The following PDPK1 variants were observed in gnomAD, a reference collection of about 807,000 sequenced individuals.
PDPK1 encodes 3-phosphoinositide-dependent protein kinase 1.
PDPK1 carries 7 observed loss-of-function variants against 39.8 expected under a neutral mutation model. That is an observed-to-expected ratio of 0.18 (90% confidence interval 0.10 to 0.33). The LOEUF is 0.33. Ranked by LOEUF, PDPK1 falls within the 10% of genes least tolerant of loss-of-function variation. The pLI, the probability that PDPK1 is intolerant of heterozygous loss-of-function variation, is 1.00. For synonymous variants in PDPK1, 118 were observed against 159.1 expected (o/e 0.74, Z 1.95); for missense variants, 182 against 384.7 (o/e 0.47, Z 4.41).
At chr16:2,589,247 C>G (rs541863575) in intron 11 of PDPK1, among the ~76,000 whole-genome samples, 1 of 152,134 alleles carries the variant, frequency 6.6e-6, no homozygotes, top group South Asian at 2.1e-4. Flanking sequence ...TGAGCCACCG[C>G]GCCAGCCAAT....
rs1003914338 is a variant in PDPK1 at position 2,598,018 on chromosome 16, G to A, written c.*251G>A. 21 of 525,632 alleles carry A rather than the reference G, an allele frequency of 4.0e-5. No homozygotes were observed. The highest frequency in any genetic ancestry group is 7.6e-5 in the African/African-American group (4 of 52,776). 32.6% of individuals were successfully genotyped at this position (525,632 alleles called of 1,614,324 possible). A position where few individuals can be genotyped will look rare whatever the true frequency, so the allele number is the denominator to read the frequency against. ...CTCTCTGTGCTCCGTGGAGGCCTCC[G>A]TGTGCCCTCGTTGCCGTGGGGACCC... On this transcript the variant is annotated 3_prime_UTR_variant, in exon 14 of 14. Coordinates refer to ENST00000342085, the MANE Select transcript of PDPK1 (RefSeq NM_002613.5).
At chr16:2,552,165 T>C (rs1252706099) in intron 1 of PDPK1, among the ~76,000 whole-genome samples, 1 of 148,812 alleles carries the variant, frequency 6.7e-6, no homozygotes, top group Non-Finnish European at 1.5e-5. Context: ...AGAGATGGGG[T>C]TTCACTATAT....
chr16:2,544,219 G>A (rs963415166), intron 1 of PDPK1, among the ~76,000 whole-genome samples: 1 of 152,154 alleles, frequency 6.6e-6, no homozygotes, highest in African/African-American at 2.4e-5. Context: ...GTTACAAAGT[G>A]TTTCTACCTG....
intron 1 of PDPK1, chr16:2,539,051 A>G (rs2066193284): frequency 4.9e-6 from 1 of 206,002 alleles, no homozygotes; most frequent in South Asian, 5.6e-5. Context: ...AAGAAATTTA[A>G]TTGATCCCGT....
intron 1 of PDPK1, among the ~76,000 whole-genome samples, chr16:2,544,993 T>C (rs2066313213): frequency 6.6e-6 from 1 of 151,706 alleles, no homozygotes; most frequent in African/African-American, 2.4e-5. Flanking sequence ...AGCTGTCACC[T>C]GTACAACCTC....
intron 1 of PDPK1, among the ~76,000 whole-genome samples, chr16:2,542,269 C>T (rs1367209969): frequency 6.6e-6 from 1 of 152,190 alleles, no homozygotes; most frequent in Non-Finnish European, 1.5e-5. Flanking sequence ...AAGTGATTCT[C>T]GTGCCTCAGG....
intron 1 of PDPK1, among the ~76,000 whole-genome samples, chr16:2,542,605 G>A (rs1201809081): frequency 6.6e-6 from 1 of 152,216 alleles, no homozygotes; most frequent in African/African-American, 2.4e-5. Flanking sequence ...ATAAACAAGT[G>A]TGTGGTTTCC....
In PDPK1 at chr16:2,603,046, G is replaced by C. The variant is rs1335514227; in HGVS notation, c.*5279G>C. The C allele has an allele frequency of 1.3e-5, 3 of 228,276 alleles. No homozygotes were observed. The highest frequency in any genetic ancestry group is 6.7e-5 in the African/African-American group (3 of 44,820). The allele number at this position is 228,276 out of a possible 1,614,324, so 14.1% of individuals were successfully genotyped here. A position where few individuals can be genotyped will look rare whatever the true frequency, so the allele number is the denominator to read the frequency against. On this transcript the variant is annotated 3_prime_UTR_variant, in exon 14 of 14. Transcript: ENST00000342085. ...GGCTTTATTATATAAATTTTCTATT[G>C]GGTCAGTGATTTAATCATATAATTT...
Position 2,601,807 on chromosome 16 carries a change from C to T in PDPK1, c.*4040C>T. 9.2e-6 allele frequency: 2 copies of T among 217,884 alleles called. No individual in the cohort carries two copies. The highest frequency in any genetic ancestry group is 9.1e-6 in the Non-Finnish European group (1 of 110,378). The allele number at this position is 217,884 out of a possible 1,614,324, so 13.5% of individuals were successfully genotyped here. A position where few individuals can be genotyped will look rare whatever the true frequency, so the allele number is the denominator to read the frequency against. ...CCCAGCTGGTGTAGATTTCAGGCCG[C>T]CCCCCCCAACTCCCTGCCCACAGTG... is the stretch of plus-strand genomic sequence containing the variant. On this transcript the variant is annotated 3_prime_UTR_variant, in exon 14 of 14. Transcript: ENST00000342085.
rs1214699638 is a variant in PDPK1, at chr16:2,599,658, T to C, written c.*1891T>C. Reference sequence around the variant, plus strand: ...CTCCTGGCTTTTGGAAAGGCTTGGCTGTGTTGGGGAGTCTCTCTTAGCCCT... The same window carrying C: ...CTCCTGGCTTTTGGAAAGGCTTGGCCGTGTTGGGGAGTCTCTCTTAGCCCT... On this transcript the variant is annotated 3_prime_UTR_variant, in exon 14 of 14. Coordinates refer to ENST00000342085, the MANE Select transcript of PDPK1 (RefSeq NM_002613.5). 10 of 233,058 alleles carry C rather than the reference T, an allele frequency of 4.3e-5. No homozygotes were observed. The highest frequency in any genetic ancestry group is 8.5e-5 in the Non-Finnish European group (10 of 117,976). The allele number at this position is 233,058 out of a possible 1,614,324, so 14.4% of individuals were successfully genotyped here. A position where few individuals can be genotyped will look rare whatever the true frequency, so the allele number is the denominator to read the frequency against.
chr16:2,602,339 G>C lies in PDPK1; in HGVS notation c.*4572G>C. ...AGATGAGGCTGCCTGTGGAGAACTG[G>C]TGTGAGGAGGAAGCTGTTTCCAACA... On this transcript the variant is annotated 3_prime_UTR_variant, in exon 14 of 14. Coordinates refer to ENST00000342085, the MANE Select transcript of PDPK1 (RefSeq NM_002613.5). 1 of 234,836 alleles carries C rather than the reference G, an allele frequency of 4.3e-6. No homozygotes were observed. The highest frequency in any genetic ancestry group is 8.5e-6 in the Non-Finnish European group (1 of 118,056). The allele number at this position is 234,836 out of a possible 1,614,324, so 14.5% of individuals were successfully genotyped here.
intron 1 of PDPK1, among the ~76,000 whole-genome samples, chr16:2,540,818 A>G (rs1310176039): frequency 1.3e-5 from 2 of 151,794 alleles, no homozygotes; most frequent in African/African-American, 2.4e-5. Context: ...ACAAAGAAAC[A>G]TGTAATGATT....
chr16:2,597,534 C>T lies in PDPK1; in HGVS notation c.1555-117C>T, dbSNP rs1316594850. The T allele has an allele frequency of 1.5e-5, 12 of 790,994 alleles. No homozygotes were observed. The highest frequency in any genetic ancestry group is 9.8e-5 in the East Asian group (4 of 40,988). The allele number at this position is 790,994 out of a possible 1,614,324, so 49.0% of individuals were successfully genotyped here. On this transcript the variant is annotated intron_variant, in intron 13 of 13. Coordinates refer to ENST00000342085, the MANE Select transcript of PDPK1 (RefSeq NM_002613.5). This position sits in a 1 kb window ranked among gnomAD's most constrained non-coding sequence, Gnocchi z 6.3. The stretch of plus-strand genomic sequence containing the variant: ...GTTGCTTACTGCTTGTGTGAATAAC[C>T]GTCACACCCACGTGCTTTCAGGACT...
At chr16:2,586,502 G>A (rs1384118059) in intron 10 of PDPK1, among the ~76,000 whole-genome samples, 174 bp from the exon 11 acceptor site, 2 of 152,276 alleles carry the variant, frequency 1.3e-5, no homozygotes, top group African/African-American at 2.4e-5. Context: ...GTGAGGCCTC[G>A]GTTCTGTGGC....
At chr16:2,585,534 G>A (rs954742118) in intron 10 of PDPK1, among the ~76,000 whole-genome samples, 1 of 152,240 alleles carries the variant, frequency 6.6e-6, no homozygotes, top group Non-Finnish European at 1.5e-5. Flanking sequence ...CAAGGCAGGA[G>A]AGCAGGTGCT....
chr16:2,592,888 G>A lies in PDPK1; in HGVS notation c.1344-2905G>A, dbSNP rs561291490. ...TCAGGGGATGCTGGCGCGGGGGTGG[G>A]TGGCGCCTGTCCGTGGGGCCCTTGC... On this transcript the variant is annotated intron_variant, in intron 11 of 13. Transcript: ENST00000342085. 1.4e-3 allele frequency: 661 copies of A among 456,648 alleles called. 16 individuals are homozygous for A. Among genetic ancestry groups the A allele is most frequent in the South Asian group, 9.5e-3 (615 of 64,564 alleles). 28.3% of individuals were successfully genotyped at this position (456,648 alleles called of 1,614,324 possible).
intron 1 of PDPK1, chr16:2,538,655 A>G: frequency 1.6e-6 from 2 of 1,288,994 alleles, no homozygotes; most frequent in South Asian, 1.2e-5. Context: ...CTCGCCTTTC[A>G]CGGCCCGGCC....
chr16:2,591,293 G>A (rs183583108), intron 11 of PDPK1, among the ~76,000 whole-genome samples: 16 of 152,302 alleles, frequency 1.1e-4, no homozygotes, highest in African/African-American at 2.6e-4. Context: ...TGTGGAAACC[G>A]TAGAATGAAA....
At chr16:2,585,669 G>A (rs1037722848) in intron 10 of PDPK1, among the ~76,000 whole-genome samples, 1 of 152,202 alleles carries the variant, frequency 6.6e-6, no homozygotes, top group African/African-American at 2.4e-5. Context: ...AGGGGCCGGC[G>A]TGGAGGGGCC....
Sources: gnomAD v4.1 joint callset for allele counts (sites outside exome capture counted in the v4.1 genomes callset) on GRCh38, gnomAD v4.1.1 for gene constraint, Gnocchi (gnomAD v3.1) non-coding constraint, MANE v1.5 for transcripts, NCBI Gene and HGNC (gene_info 2026-07-23, HGNC 2026-07-21) for gene names.